The following CRAMP1 variants were observed in gnomAD, a reference collection of about 807,000 sequenced individuals.
CRAMP1 encodes protein cramped-like.
In CRAMP1, 50 loss-of-function variants were observed where a neutral mutation model predicts 115.4. The observed-to-expected ratio is 0.43, with a 90% CI of 0.35 to 0.55. CRAMP1 has a LOEUF of 0.55. Among genes scored for constraint, CRAMP1 ranks in the 20% least tolerant of loss-of-function variants. The pLI, the probability that CRAMP1 is intolerant of heterozygous loss-of-function variation, is 0.01. For missense variants in CRAMP1, 1,679 were observed against 1,721.7 expected (o/e 0.98, Z 0.44); for synonymous variants, 866 against 745.4 (o/e 1.16, Z -2.64).
intron 17 of CRAMP1, among the ~76,000 whole-genome samples, 180 bp downstream of exon 17, chr16:1,667,580 G>A (rs551429502): frequency 3.3e-5 from 5 of 152,240 alleles, no homozygotes; most frequent in South Asian, 4.1e-4. Flanking sequence ...ATGGCTGTCC[G>A]CCACCTCAGA....
At chr16:1,629,944 A>G (rs1456254567) in intron 3 of CRAMP1, among the ~76,000 whole-genome samples, 2 of 151,856 alleles carry the variant, frequency 1.3e-5, no homozygotes, top group Non-Finnish European at 2.9e-5. Flanking sequence ...AGATCCTAAA[A>G]TGTGTCAGTG....
intron 7 of CRAMP1, 102 bp from the exon 8 acceptor site, chr16:1,652,931 C>A: frequency 7.2e-7 from 1 of 1,390,568 alleles, no homozygotes; most frequent in Non-Finnish European, 9.9e-7. Context: ...TTTGCAAGGC[C>A]ATCTGCTCAC....
At chr16:1,620,666 G>C (rs1187194558) in intron 2 of CRAMP1, 1 of 456,942 alleles carries the variant, frequency 2.2e-6, no homozygotes. Flanking sequence ...CCCAGCTCTG[G>C]CTGTCTATTA....
At chr16:1,665,984 G>A (rs559087023) in intron 14 of CRAMP1, 89 bp from the exon 15 acceptor site, 44 of 810,196 alleles carry the variant, frequency 5.4e-5, no homozygotes, top group Non-Finnish European at 7.2e-5. Context: ...CCCAACAGTG[G>A]CTGTAAAGGA....
intron 5 of CRAMP1, 147 bp downstream of exon 5, chr16:1,638,054 G>A (rs557642280): frequency 2.6e-5 from 12 of 464,296 alleles, no homozygotes; most frequent in Non-Finnish European, 4.2e-5. Flanking sequence ...GATGGCGGCC[G>A]TGCTCTTTAG....
At chr16:1,659,845 T>C (rs2036810280) in intron 10 of CRAMP1, 41 bp from the exon 11 acceptor site, 1 of 1,585,010 alleles carries the variant, frequency 6.3e-7, no homozygotes, top group East Asian at 2.2e-5. Context: ...CCATTTCTCA[T>C]GTGCTGAGTT....
intron 13 of CRAMP1, among the ~76,000 whole-genome samples, chr16:1,664,234 A>C (rs376722754): frequency 6.6e-6 from 1 of 152,182 alleles, no homozygotes. Context: ...GGTTTCTCAG[A>C]TGGTAGTCCT....
intron 20 of CRAMP1, among the ~76,000 whole-genome samples, chr16:1,673,206 C>T (rs74369063): frequency 0.022 from 3,159 of 145,160 alleles, 210 homozygotes; most frequent in Admixed American, 0.13. Context: ...ATGATGGGAA[C>T]GTGTCCCCCA....
Position 1,652,248 on chromosome 16 carries a change from G to A in CRAMP1, c.828-248G>A, listed in dbSNP as rs142574310. 2.7e-3 allele frequency among the ~76,000 whole-genome samples: 412 copies of A among 152,366 alleles called. 1 individual carries two copies. Among genetic ancestry groups the A allele is most frequent in the African/African-American group, 9.4e-3 (392 of 41,584 alleles). On this transcript the variant is annotated intron_variant, in intron 6 of 20. Transcript: ENST00000397412. ...CCAGTCACCAAGGCAGGAGGGCACA[G>A]CACATTTTCTGTAAACAGCAGGTGT... is the stretch of plus-strand genomic sequence containing the variant.
intron 6 of CRAMP1, chr16:1,645,567 C>A (rs2036667544): frequency 6.4e-6 from 1 of 157,286 alleles, no homozygotes; most frequent in African/African-American, 2.4e-5. Flanking sequence ...CTTACAGGCC[C>A]ACTCAGCGTT....
At chr16:1,623,042 G>A (rs1406990310) in intron 2 of CRAMP1, among the ~76,000 whole-genome samples, 1 of 151,926 alleles carries the variant, frequency 6.6e-6, no homozygotes, top group African/African-American at 2.4e-5. Context: ...GATTACAGGC[G>A]CCCACCACCA....
At chr16:1,654,093 A>G (rs1276964274) in intron 8 of CRAMP1, among the ~76,000 whole-genome samples, 1 of 150,602 alleles carries the variant, frequency 6.6e-6, no homozygotes, top group Non-Finnish European at 1.5e-5. Context: ...CAGTGAGCCA[A>G]GATTGCGCCC....
At chr16:1,648,120 GAAA>G (rs372464410) in intron 6 of CRAMP1, among the ~76,000 whole-genome samples, 5 of 143,196 alleles carry the variant, frequency 3.5e-5, no homozygotes, top group Non-Finnish European at 7.7e-5. Context: ...TTGATTGAAG[GAAA>G]AAAAAAAAGG....
At chr16:1,649,596 TCTC>T (rs1410037384) in intron 6 of CRAMP1, among the ~76,000 whole-genome samples, 2 of 151,990 alleles carry the variant, frequency 1.3e-5, no homozygotes, top group African/African-American at 2.4e-5. Flanking sequence ...TTCACACCAT[TCTC>T]CTGCCTCAGC....
intron 6 of CRAMP1, among the ~76,000 whole-genome samples, chr16:1,642,863 G>T (rs1271931489): frequency 1.3e-5 from 2 of 152,236 alleles, no homozygotes; most frequent in Non-Finnish European, 2.9e-5. Context: ...GCACAGAGTG[G>T]CCTGTCCGAT....
At position 1,666,063 on chromosome 16, in the gene CRAMP1, G is replaced by T; in HGVS notation, c.2753-10G>T. 1.3e-6 allele frequency: 2 copies of T among 1,583,652 alleles called. No homozygotes were observed. The highest frequency in any genetic ancestry group is 2.3e-5 in the East Asian group (1 of 43,766). ...GCTCGACATGTCTGCTTTTGCCCTCGCCCTCGCAGGGAGAGGTTCGTTCCG... is the reference window on the plus strand; with the variant it reads ...GCTCGACATGTCTGCTTTTGCCCTCTCCCTCGCAGGGAGAGGTTCGTTCCG... On this transcript the variant is annotated splice_polypyrimidine_tract_variant and intron_variant, in intron 14 of 20. Transcript: ENST00000397412. The surrounding 1 kb of genome is among the most constrained non-coding windows in gnomAD (Gnocchi z 5.0).
intron 4 of CRAMP1, among the ~76,000 whole-genome samples, chr16:1,633,104 A>T (rs2036559643): frequency 6.6e-6 from 1 of 152,190 alleles, no homozygotes; most frequent in Admixed American, 6.5e-5. Context: ...CAGATGTCTC[A>T]CATTCTGACC....
rs755172548 is a variant in CRAMP1 at position 1,662,818 on chromosome 16, A to T, written c.2653A>T (p.Lys885Ter). ...PRKLRNRHLR[K>*]PLVVQRTLLP... ...GAAGCTGCGGAACCGGCACCTGCGG[A>T]AGCCACTGGTGGTCCAGGTCAGGGT... is the stretch of plus-strand genomic sequence containing the variant. Residue 885 changes from lysine (K) to a stop codon, truncating the protein, a stop_gained, in exon 13 of 21, where the codon AAG becomes TAG. Coordinates refer to ENST00000397412, the MANE Select transcript of CRAMP1 (RefSeq NM_020825.4). LOFTEE classifies it high-confidence loss of function. The T allele has an allele frequency of 6.2e-7, 1 of 1,613,776 alleles. No individual in the cohort carries two copies. The highest frequency in any genetic ancestry group is 8.5e-7 in the Non-Finnish European group (1 of 1,179,824).
intron 5 of CRAMP1, among the ~76,000 whole-genome samples, chr16:1,640,839 A>G (rs1251043023): frequency 6.6e-6 from 1 of 152,104 alleles, no homozygotes; most frequent in Non-Finnish European, 1.5e-5. Flanking sequence ...TGGGGGACCT[A>G]GGAGGGAGCT....
Sources: gnomAD v4.1 joint callset for allele counts (sites outside exome capture counted in the v4.1 genomes callset) on GRCh38, gnomAD v4.1.1 for gene constraint, Gnocchi (gnomAD v3.1) non-coding constraint, MANE v1.5 for transcripts, NCBI Gene and HGNC (gene_info 2026-07-23, HGNC 2026-07-21) for gene names.